FALEC: variants seen among roughly 807,000 people sequenced by gnomAD.
FALEC encodes the protein focally amplified lncRNA on chromosome 1.
downstream of FALEC, among the ~76,000 whole-genome samples, chr1:150,522,979 A>AT (rs1560270901): frequency 5.2e-4 from 12 of 22,884 alleles, 2 homozygotes; most frequent in Non-Finnish European, 8.2e-4. Context: ...ATATATATAT[A>AT]TATATTTTTT....
At chr1:150,522,935 G>A (rs921677986), downstream of FALEC, among the ~76,000 whole-genome samples, 831 of 12,698 alleles carry the variant, frequency 0.065, 15 homozygotes, top group African/African-American at 0.087. Context: ...ACATATATAT[G>A]TGTGTGTGTG....
chr1:150,517,836 C>T (rs957297314), exon 2 of FALEC: 3 of 152,280 alleles, frequency 2.0e-5, no homozygotes, highest in African/African-American at 7.2e-5. Context: ...AGAGGGAAGA[C>T]ATGAGTTCAA....
chr1:150,521,610 A>G (rs1670643630), downstream of FALEC, among the ~76,000 whole-genome samples: 1 of 152,156 alleles, frequency 6.6e-6, no homozygotes, highest in African/African-American at 2.4e-5. Flanking sequence ...GTTGATTTTG[A>G]CATTTACTGG....
At chr1:150,521,256 G>A (rs1015002538), downstream of FALEC, among the ~76,000 whole-genome samples, 7 of 152,204 alleles carry the variant, frequency 4.6e-5, no homozygotes, top group Non-Finnish European at 1.0e-4. Context: ...ACAGCTAGGA[G>A]TTAAATGGCT....
the FALEC span, among the ~76,000 whole-genome samples, chr1:150,526,207 G>T: frequency 6.6e-6 from 1 of 151,942 alleles, no homozygotes; most frequent in African/African-American, 2.4e-5. Flanking sequence ...AAAATCAGCT[G>T]GGCGCGGTAG....
At chr1:150,520,790 T>C (rs1242061093), downstream of FALEC, among the ~76,000 whole-genome samples, 2 of 126,548 alleles carry the variant, frequency 1.6e-5, no homozygotes, top group Non-Finnish European at 3.3e-5. Context: ...TTTCTTTTTT[T>C]TTTTTTTTTT....
At chr1:150,516,005 G>T (rs1233424527) in exon 1 of FALEC, 1 of 152,404 alleles carries the variant, frequency 6.6e-6, no homozygotes, top group Non-Finnish European at 1.5e-5. Context: ...CCAGCACTTT[G>T]GGAGGCCGAG....
the FALEC span, among the ~76,000 whole-genome samples, chr1:150,529,534 C>T: frequency 6.6e-6 from 1 of 152,226 alleles, no homozygotes; most frequent in Admixed American, 6.5e-5. Flanking sequence ...AGCATTTACC[C>T]CAAACGTCTT....
At chr1:150,525,623 A>T in the FALEC span, among the ~76,000 whole-genome samples, 3 of 152,156 alleles carry the variant, frequency 2.0e-5, no homozygotes, top group African/African-American at 7.2e-5. Context: ...TTTTGTTTTC[A>T]TAAAGATGGT....
downstream of FALEC, among the ~76,000 whole-genome samples, chr1:150,522,896 T>TAC (rs1560270696): frequency 3.0e-5 from 2 of 67,340 alleles, no homozygotes; most frequent in African/African-American, 1.2e-4. Context: ...TACGTATATA[T>TAC]ATATATACAT....
intron 1 of FALEC, among the ~76,000 whole-genome samples, chr1:150,517,080 A>G (rs977243723): frequency 2.6e-5 from 4 of 152,140 alleles, no homozygotes; most frequent in East Asian, 1.9e-4. Context: ...CAGTGGATCA[A>G]CCGAGGTCAG....
downstream of FALEC, among the ~76,000 whole-genome samples, chr1:150,522,896 T>TATATACAC (rs1553907928): frequency 4.9e-4 from 33 of 67,336 alleles, 6 homozygotes; most frequent in South Asian, 1.0e-3. Context: ...TACGTATATA[T>TATATACAC]ATATATACAT....
At chr1:150,519,721 G>C (rs1366247821), downstream of FALEC, among the ~76,000 whole-genome samples, 1 of 152,126 alleles carries the variant, frequency 6.6e-6, no homozygotes, top group Non-Finnish European at 1.5e-5. Flanking sequence ...GCCGGGCATG[G>C]TGGTGGGCGC....
At chr1:150,523,556 A>G in the FALEC span, among the ~76,000 whole-genome samples, 3 of 150,930 alleles carry the variant, frequency 2.0e-5, no homozygotes, top group Non-Finnish European at 4.4e-5. Flanking sequence ...CGGGAGGCTG[A>G]GGCAGGAGAA....
At chr1:150,520,906 A>T (rs1670633995), downstream of FALEC, among the ~76,000 whole-genome samples, 1 of 142,924 alleles carries the variant, frequency 7.0e-6, no homozygotes. Flanking sequence ...GCCTCCTGGG[A>T]TTCTCCTGCT....
At chr1:150,519,679 A>AC (rs1670614531), downstream of FALEC, among the ~76,000 whole-genome samples, 1 of 150,970 alleles carries the variant, frequency 6.6e-6, no homozygotes, top group African/African-American at 2.4e-5. Flanking sequence ...AGATGGTGAA[A>AC]CCCCGTCTCT....
chr1:150,532,780 A>C, the FALEC span, among the ~76,000 whole-genome samples: 6 of 152,202 alleles, frequency 3.9e-5, no homozygotes, highest in Non-Finnish European at 8.8e-5. Flanking sequence ...AAGGAAAAAA[A>C]AAAAAGGTAA....
chr1:150,522,877 A>ATATATATACG (rs1560270648), downstream of FALEC, among the ~76,000 whole-genome samples: 4 of 92,046 alleles, frequency 4.3e-5, no homozygotes, highest in Admixed American at 1.2e-4. Context: ...GTATATATAC[A>ATATATATACG]TATATATATA....
At chr1:150,526,028 T>C in the FALEC span, among the ~76,000 whole-genome samples, 1 of 152,230 alleles carries the variant, frequency 6.6e-6, no homozygotes, top group African/African-American at 2.4e-5. Flanking sequence ...TCAAGGTTCA[T>C]TCATGTTCAG....
Sources: allele counts gnomAD v4.1 joint callset (sites outside exome capture counted in the v4.1 genomes callset), GRCh38; gene constraint gnomAD v4.1.1; transcripts MANE v1.5; gene names NCBI Gene and HGNC (gene_info 2026-07-23, HGNC 2026-07-21).